CATSPERE: variants seen among roughly 807,000 people sequenced by gnomAD.
CATSPERE encodes cation channel sperm-associated auxiliary subunit epsilon.
CATSPERE carries 93 observed loss-of-function variants against 114.1 expected under a neutral mutation model. The observed-to-expected ratio is 0.81, with a 90% CI of 0.69 to 0.97. CATSPERE has a LOEUF of 0.97. Among genes scored for constraint, CATSPERE ranks in the 50% least tolerant of loss-of-function variants. The pLI, the probability that CATSPERE is intolerant of heterozygous loss-of-function variation, is 0.00. For synonymous variants in CATSPERE, 341 were observed against 384.1 expected (o/e 0.89, Z 1.31); for missense variants, 1,058 against 1,131.6 (o/e 0.93, Z 0.93).
At chr1:244,627,117 A>G (rs993079115) in intron 20 of CATSPERE, among the ~76,000 whole-genome samples, 3 of 152,102 alleles carry the variant, frequency 2.0e-5, no homozygotes, top group African/African-American at 7.2e-5. Flanking sequence ...TCTAACTTCA[A>G]TATTGCCGTG....
At chr1:244,628,556 T>C (rs1673495274) in intron 20 of CATSPERE, among the ~76,000 whole-genome samples, 1 of 152,188 alleles carries the variant, frequency 6.6e-6, no homozygotes, top group South Asian at 2.1e-4. Context: ...GAATTTCATC[T>C]CCATGCTTTT....
In CATSPERE at chr1:244,537,501, T is replaced by C. The variant is rs371379198; in HGVS notation, c.537-14821T>C. 1.4e-3 allele frequency among the ~76,000 whole-genome samples: 216 copies of C among 152,346 alleles called. 1 individual carries two copies. Among genetic ancestry groups the C allele is most frequent in the African/African-American group, 4.9e-3 (205 of 41,586 alleles). ...ATGCTGGCTGGCTTCATAGAATGAG[T>C]TGGGAAAAATTCCCTCTGCTTCTAT... On this transcript the variant is annotated intron_variant, in intron 8 of 21. Coordinates refer to ENST00000366534, the MANE Select transcript of CATSPERE (RefSeq NM_001130957.2).
chr1:244,623,874 T>C (rs1296697112), intron 20 of CATSPERE, among the ~76,000 whole-genome samples: 1 of 152,228 alleles, frequency 6.6e-6, no homozygotes, highest in East Asian at 1.9e-4. Flanking sequence ...TAGCAAGTCA[T>C]AATCTTTTTG....
chr1:244,581,041 T>C (rs934378474), intron 11 of CATSPERE, among the ~76,000 whole-genome samples: 2 of 152,050 alleles, frequency 1.3e-5, no homozygotes, highest in Non-Finnish European at 2.9e-5. Flanking sequence ...TCCTCACTTT[T>C]CTTAATAGTT....
intron 4 of CATSPERE, among the ~76,000 whole-genome samples, chr1:244,479,218 G>A (rs1324765025): frequency 2.0e-5 from 3 of 151,542 alleles, no homozygotes; most frequent in Admixed American, 6.6e-5. Flanking sequence ...CTCAGCCTCC[G>A]AAGTAGCTGG....
chr1:244,484,025 ATAAT>A (rs1386868890), intron 5 of CATSPERE, among the ~76,000 whole-genome samples: 2 of 152,102 alleles, frequency 1.3e-5, no homozygotes, highest in Non-Finnish European at 2.9e-5. Flanking sequence ...TTCTACATGA[ATAAT>A]TAATTTTCTC....
intron 7 of CATSPERE, among the ~76,000 whole-genome samples, chr1:244,505,007 T>A (rs1166028608): frequency 6.6e-6 from 1 of 152,230 alleles, no homozygotes; most frequent in Non-Finnish European, 1.5e-5. Flanking sequence ...TATTCAATCA[T>A]TTATTTATAT....
intron 20 of CATSPERE, among the ~76,000 whole-genome samples, chr1:244,622,063 C>G (rs1672465415): frequency 6.6e-6 from 1 of 152,206 alleles, no homozygotes; most frequent in African/African-American, 2.4e-5. Flanking sequence ...AGTCCAAAGT[C>G]TGAATGACAC....
chr1:244,616,246 C>A (rs1162889863), intron 19 of CATSPERE, among the ~76,000 whole-genome samples: 7 of 152,146 alleles, frequency 4.6e-5, no homozygotes, highest in Admixed American at 4.6e-4. Flanking sequence ...ATCGTTATTG[C>A]CATCTAATCA....
At chr1:244,502,716 T>C (rs1331630668) in intron 7 of CATSPERE, among the ~76,000 whole-genome samples, 3 of 151,932 alleles carry the variant, frequency 2.0e-5, no homozygotes, top group African/African-American at 7.3e-5. Flanking sequence ...GAAATAAGAG[T>C]GGAGGACCAG....
chr1:244,511,666 T>C (rs1295374334), intron 7 of CATSPERE, among the ~76,000 whole-genome samples: 1 of 152,200 alleles, frequency 6.6e-6, no homozygotes, highest in East Asian at 1.9e-4. Context: ...TTTTGTGTGT[T>C]TTCATTATGG....
intron 7 of CATSPERE, among the ~76,000 whole-genome samples, chr1:244,508,985 CA>C (rs56987777): frequency 0.35 from 48,588 of 138,464 alleles, 10,280 homozygotes; most frequent in African/African-American, 0.64. Flanking sequence ...CTTCCCCCAC[CA>C]AAAAAAAAAA....
At chr1:244,629,252 G>A (rs1207178578) in intron 20 of CATSPERE, among the ~76,000 whole-genome samples, 2 of 152,214 alleles carry the variant, frequency 1.3e-5, no homozygotes, top group African/African-American at 4.8e-5. Flanking sequence ...TCTCAGCCCC[G>A]TTTGCATCAC....
At chr1:244,586,364 G>A (rs1667025960) in intron 13 of CATSPERE, among the ~76,000 whole-genome samples, 1 of 152,168 alleles carries the variant, frequency 6.6e-6, no homozygotes, top group Non-Finnish European at 1.5e-5. Context: ...AAGTGATGGT[G>A]GGTCCTGACT....
Position 244,463,929 on chromosome 1 carries a change from C to A in CATSPERE, c.87C>A (p.Asn29Lys). The A allele has an allele frequency of 6.2e-7, 1 of 1,602,878 alleles. No homozygotes were observed. The highest frequency in any genetic ancestry group is 1.1e-5 in the South Asian group (1 of 90,670). ...ALWRYSTNSP[N>K]YRIFSTRSTI... Reference sequence around the variant, plus strand: ...ACAGGTATTCCACTAACAGCCCAAACTATCGCATTTTTAGTACCAGAAGTA... The same window carrying A: ...ACAGGTATTCCACTAACAGCCCAAAATATCGCATTTTTAGTACCAGAAGTA... The change falls in exon 2 of 22, where the codon AAC becomes AAA. Residue 29 changes from asparagine (N) to lysine (K), a missense_variant. Coordinates refer to ENST00000366534, the MANE Select transcript of CATSPERE (RefSeq NM_001130957.2).
At chr1:244,531,150 CG>C (rs1679526292) in intron 8 of CATSPERE, among the ~76,000 whole-genome samples, 2 of 149,928 alleles carry the variant, frequency 1.3e-5, no homozygotes, top group Admixed American at 6.8e-5. Flanking sequence ...GCAGGAGAAT[CG>C]CTTAAATCCA....
intron 8 of CATSPERE, among the ~76,000 whole-genome samples, chr1:244,543,637 A>AAT (rs67320193): frequency 0.85 from 123,745 of 145,506 alleles, 53,693 homozygotes; most frequent in East Asian, 0.98. Context: ...TTTTATTTTA[A>AAT]ATATATATAT....
At chr1:244,491,433 A>T (rs974229942) in intron 6 of CATSPERE, among the ~76,000 whole-genome samples, 5 of 152,014 alleles carry the variant, frequency 3.3e-5, no homozygotes, top group African/African-American at 7.2e-5. Context: ...TCTCTGGGAC[A>T]CATTCAAAGC....
In CATSPERE at chr1:244,508,386, C is replaced by T. The variant is rs1182408114; in HGVS notation, c.429+9307C>T. On this transcript the variant is annotated intron_variant, in intron 7 of 21. Transcript: ENST00000366534. Reference sequence around the variant, plus strand: ...CGCGATCTTGGCTCACTGCAAGCTCCGCCTCCCAGGTTCACACCATTCTCC... The same window carrying T: ...CGCGATCTTGGCTCACTGCAAGCTCTGCCTCCCAGGTTCACACCATTCTCC... Among the ~76,000 whole-genome samples the T allele has an allele frequency of 3.3e-5, 5 of 150,776 alleles. No homozygotes were observed. The East Asian group carries it at 5.9e-4, about 18-fold the overall frequency.
Sources: gnomAD v4.1 joint callset for allele counts (sites outside exome capture counted in the v4.1 genomes callset) on GRCh38, gnomAD v4.1.1 for gene constraint, MANE v1.5 for transcripts, NCBI Gene and HGNC (gene_info 2026-07-23, HGNC 2026-07-21) for gene names.